SLC39A11: variants seen among roughly 807,000 people sequenced by gnomAD.
SLC39A11 encodes the protein zinc transporter ZIP11.
A neutral mutation model predicts 36.1 loss-of-function variants in SLC39A11; 33 were observed. The ratio of observed to expected loss-of-function variants is 0.91; its 90% confidence interval spans 0.69 to 1.22. The LOEUF (loss-of-function observed/expected upper bound fraction) is 1.22, where lower values mean the gene tolerates loss of function less well. Among genes scored for constraint, SLC39A11 ranks in the 50% most tolerant of loss-of-function variants. SLC39A11 has a pLI of 0.00. For synonymous variants in SLC39A11, 166 were observed against 170.3 expected (o/e 0.97, Z 0.20); for missense variants, 432 against 430.3 (o/e 1.00, Z -0.03).
intron 6 of SLC39A11, among the ~76,000 whole-genome samples, chr17:72,824,078 T>C (rs1365735875): frequency 6.6e-6 from 1 of 151,374 alleles, no homozygotes; most frequent in Non-Finnish European, 1.5e-5. Flanking sequence ...ACCAGTGATA[T>C]GGTTTGGATT....
At chr17:72,935,067 T>C (rs982456116) in intron 5 of SLC39A11, among the ~76,000 whole-genome samples, 1 of 152,200 alleles carries the variant, frequency 6.6e-6, no homozygotes, top group Non-Finnish European at 1.5e-5. Context: ...TGTATGCCAA[T>C]ATTGATAGAC....
chr17:72,782,369 T>C (rs909570439), intron 6 of SLC39A11, among the ~76,000 whole-genome samples: 4 of 152,086 alleles, frequency 2.6e-5, no homozygotes, highest in South Asian at 2.1e-4. Context: ...TGTGAGACAA[T>C]GCATCTCTGT....
chr17:72,674,024 T>C (rs2071141790), intron 7 of SLC39A11, among the ~76,000 whole-genome samples: 1 of 152,104 alleles, frequency 6.6e-6, no homozygotes, highest in Admixed American at 6.6e-5. Flanking sequence ...GCTGAGATCG[T>C]GCCACTGCAA....
At chr17:72,787,184 C>T (rs1000057386) in intron 6 of SLC39A11, among the ~76,000 whole-genome samples, 3 of 147,510 alleles carry the variant, frequency 2.0e-5, no homozygotes, top group Non-Finnish European at 4.5e-5. Context: ...ATGAATGCAT[C>T]TTAAGAGGCT....
At chr17:72,815,975 G>T (rs1352384629) in intron 6 of SLC39A11, among the ~76,000 whole-genome samples, 1 of 152,190 alleles carries the variant, frequency 6.6e-6, no homozygotes, top group Admixed American at 6.5e-5. Context: ...GTGCTGGAAT[G>T]CCTGTCTCTA....
At chr17:72,707,585 T>C (rs981101382) in intron 7 of SLC39A11, among the ~76,000 whole-genome samples, 5 of 152,278 alleles carry the variant, frequency 3.3e-5, no homozygotes, top group Non-Finnish European at 7.4e-5. Context: ...AGGAGAAATA[T>C]TGAAGAACTC....
intron 6 of SLC39A11, among the ~76,000 whole-genome samples, chr17:72,825,332 T>C (rs1286888421): frequency 1.3e-5 from 2 of 151,568 alleles, no homozygotes; most frequent in Non-Finnish European, 2.9e-5. Context: ...CTTTTGGGTG[T>C]TCAGAAGGCA....
At chr17:72,994,444 T>C (rs1206413121) in intron 4 of SLC39A11, among the ~76,000 whole-genome samples, 1 of 152,152 alleles carries the variant, frequency 6.6e-6, no homozygotes, top group African/African-American at 2.4e-5. Flanking sequence ...AGAATAGTGG[T>C]GACTTAGCAG....
intron 5 of SLC39A11, among the ~76,000 whole-genome samples, chr17:72,870,342 CA>C (rs2080545073): frequency 6.6e-6 from 1 of 152,072 alleles, no homozygotes; most frequent in Non-Finnish European, 1.5e-5. Flanking sequence ...TGTCCCAATA[CA>C]AATGGAGAAA....
intron 3 of SLC39A11, among the ~76,000 whole-genome samples, chr17:73,039,271 C>A (rs1433124683): frequency 6.6e-6 from 1 of 152,156 alleles, no homozygotes; most frequent in Admixed American, 6.5e-5. Flanking sequence ...CTTCTGCAGA[C>A]ATCCTCTCTT....
intron 5 of SLC39A11, among the ~76,000 whole-genome samples, chr17:72,926,124 C>T (rs1418304806): frequency 6.6e-6 from 1 of 152,226 alleles, no homozygotes; most frequent in Non-Finnish European, 1.5e-5. Flanking sequence ...CAATTGGTTC[C>T]ATATAAATGC....
intron 7 of SLC39A11, among the ~76,000 whole-genome samples, chr17:72,653,526 G>A (rs993930048): frequency 6.7e-6 from 1 of 148,162 alleles, no homozygotes; most frequent in Non-Finnish European, 1.5e-5. Context: ...TGCAACCTCC[G>A]CCTCATGGGT....
At chr17:72,916,625 C>T (rs2083348750) in intron 5 of SLC39A11, among the ~76,000 whole-genome samples, 1 of 152,168 alleles carries the variant, frequency 6.6e-6, no homozygotes, top group Admixed American at 6.5e-5. Flanking sequence ...ACCATCCTGG[C>T]CTTAGTACTT....
intron 6 of SLC39A11, among the ~76,000 whole-genome samples, chr17:72,784,851 T>C (rs546959091): frequency 1.5e-5 from 2 of 132,668 alleles, no homozygotes; most frequent in Admixed American, 1.6e-4. Flanking sequence ...AACCTCTTTT[T>C]TCTTTCTTCT....
chr17:72,779,785 A>T (rs1445181914), intron 6 of SLC39A11, among the ~76,000 whole-genome samples: 1 of 152,170 alleles, frequency 6.6e-6, no homozygotes, highest in Non-Finnish European at 1.5e-5. Flanking sequence ...GTGGAGAGGA[A>T]CATCTGAATC....
rs553171687 is a variant in SLC39A11 at position 72,704,894 on chromosome 17, T to C, written c.671+31756A>G. On this transcript the variant is annotated intron_variant, in intron 7 of 9. Transcript: ENST00000255559. Reference sequence around the variant, plus strand: ...GTCTATTAGGATTCCAAGGGAGCTATTGAGAGGAGACGGTCTATTTTGTTT... The same window carrying C: ...GTCTATTAGGATTCCAAGGGAGCTACTGAGAGGAGACGGTCTATTTTGTTT... 4.6e-5 allele frequency among the ~76,000 whole-genome samples: 7 copies of C among 152,292 alleles called. No homozygotes were observed. The South Asian group carries it at 8.3e-4, about 18-fold the overall frequency.
chr17:73,034,553 C>T (rs2143143730), intron 3 of SLC39A11, among the ~76,000 whole-genome samples: 1 of 152,308 alleles, frequency 6.6e-6, no homozygotes, highest in East Asian at 1.9e-4. Context: ...ACCTGTGCAG[C>T]AGCTTCTCTG....
At chr17:72,929,506 G>A (rs1000068398) in intron 5 of SLC39A11, among the ~76,000 whole-genome samples, 1 of 151,456 alleles carries the variant, frequency 6.6e-6, no homozygotes, top group Non-Finnish European at 1.5e-5. Flanking sequence ...GAAGGAGTGA[G>A]CAGCCACTTC....
chr17:72,775,386 G>T (rs1271763429), intron 6 of SLC39A11, among the ~76,000 whole-genome samples: 1 of 152,196 alleles, frequency 6.6e-6, no homozygotes, highest in Non-Finnish European at 1.5e-5. Context: ...CAGGGATGTT[G>T]TATTATTTAT....
Sources: gnomAD v4.1 joint callset for allele counts (sites outside exome capture counted in the v4.1 genomes callset) on GRCh38, gnomAD v4.1.1 for gene constraint, MANE v1.5 for transcripts, NCBI Gene and HGNC (gene_info 2026-07-23, HGNC 2026-07-21) for gene names.